The following PDE1A variants were observed in gnomAD, a reference collection of about 807,000 sequenced individuals.
The protein encoded by PDE1A is dual specificity calcium/calmodulin-dependent 3',5'-cyclic nucleotide phosphodiesterase 1A.
Under a neutral mutation model 61.7 loss-of-function variants are expected in PDE1A, and 35 were observed. The observed-to-expected ratio is 0.57, with a 90% CI of 0.43 to 0.75. The LOEUF is 0.75. Ranked by LOEUF, PDE1A falls within the 30% of genes least tolerant of loss-of-function variation. The pLI, the probability that PDE1A is intolerant of heterozygous loss-of-function variation, is 0.00. For synonymous variants in PDE1A, 232 were observed against 213.2 expected (o/e 1.09, Z -0.77); for missense variants, 597 against 630.6 (o/e 0.95, Z 0.57).
At chr2:182,630,731 A>G in the PDE1A span, among the ~76,000 whole-genome samples, 2 of 152,200 alleles carry the variant, frequency 1.3e-5, no homozygotes, top group African/African-American at 2.4e-5. Context: ...TTTTATTTAT[A>G]TCTCATGTTC....
At chr2:182,357,633 T>A (rs903359647) in intron 1 of PDE1A, among the ~76,000 whole-genome samples, 1 of 152,166 alleles carries the variant, frequency 6.6e-6, no homozygotes, top group African/African-American at 2.4e-5. Context: ...AATAAGAATA[T>A]CACTATTTCA....
chr2:182,693,081 C>T, the PDE1A span, among the ~76,000 whole-genome samples: 1 of 151,962 alleles, frequency 6.6e-6, no homozygotes, highest in African/African-American at 2.4e-5. Flanking sequence ...CAGAGAGAGA[C>T]CCTGTCTCCA....
At chr2:182,526,520 T>A (rs2115863), upstream of PDE1A, among the ~76,000 whole-genome samples, 51,099 of 152,084 alleles carry the variant, frequency 0.34, 9,838 homozygotes, top group East Asian at 0.59. Context: ...GCGTTAAGTG[T>A]GGCCAAGAGA....
At chr2:182,303,571 C>G (rs950141452) in intron 1 of PDE1A, among the ~76,000 whole-genome samples, 3 of 152,182 alleles carry the variant, frequency 2.0e-5, no homozygotes, top group Admixed American at 6.5e-5. Context: ...CTGGGATTTT[C>G]AGAAGGGTAA....
At chr2:182,297,606 A>G (rs1190805104) in intron 1 of PDE1A, among the ~76,000 whole-genome samples, 1 of 152,238 alleles carries the variant, frequency 6.6e-6, no homozygotes, top group East Asian at 1.9e-4. Flanking sequence ...AAGACGTTAG[A>G]TGTCACTTAT....
At chr2:182,268,214 C>T (rs373213645) in intron 1 of PDE1A, among the ~76,000 whole-genome samples, 4 of 151,818 alleles carry the variant, frequency 2.6e-5, no homozygotes, top group Non-Finnish European at 5.9e-5. Flanking sequence ...TGGATGAGGA[C>T]GGCTACTGTG....
chr2:182,685,208 T>G, the PDE1A span, among the ~76,000 whole-genome samples: 2 of 151,990 alleles, frequency 1.3e-5, no homozygotes, highest in African/African-American at 4.8e-5. Context: ...AACAGATGGC[T>G]TGCCTGCTTT....
chr2:182,700,577 C>T, the PDE1A span, among the ~76,000 whole-genome samples: 1 of 151,732 alleles, frequency 6.6e-6, no homozygotes, highest in Non-Finnish European at 1.5e-5. Context: ...CAAAAATTAG[C>T]CAGGTGTGGT....
At chr2:182,446,834 C>A (rs1485979844) in intron 2 of PDE1A, among the ~76,000 whole-genome samples, 1 of 151,822 alleles carries the variant, frequency 6.6e-6, no homozygotes, top group Non-Finnish European at 1.5e-5. Context: ...GGTATGTGAT[C>A]CCCAGAAAAT....
chr2:182,545,202 T>C, the PDE1A span, among the ~76,000 whole-genome samples: 2 of 152,192 alleles, frequency 1.3e-5, no homozygotes, highest in Non-Finnish European at 2.9e-5. Context: ...GTCTCTGCTG[T>C]GGCTGGCTTC....
chr2:182,573,313 G>A, the PDE1A span, among the ~76,000 whole-genome samples: 4 of 152,248 alleles, frequency 2.6e-5, no homozygotes, highest in East Asian at 7.7e-4. Context: ...GAATCTCACT[G>A]AGGCTTTGGG....
At chr2:182,239,427 TG>T (rs1690322507) in intron 3 of PDE1A, among the ~76,000 whole-genome samples, 1 of 152,172 alleles carries the variant, frequency 6.6e-6, no homozygotes, top group Admixed American at 6.5e-5. Context: ...GCGAGTCTTT[TG>T]TAGTTTTAGT....
chr2:182,516,742 A>AAGG (rs1690193662), intron 2 of PDE1A, among the ~76,000 whole-genome samples: 2 of 143,490 alleles, frequency 1.4e-5, no homozygotes, highest in African/African-American at 2.6e-5. Flanking sequence ...GGAAGGAAGG[A>AAGG]AAAAGAGAGA....
At position 182,328,641 on chromosome 2, in the gene PDE1A, G is replaced by A. The variant is rs1318986164; in HGVS notation, c.54-64227C>T. Among the ~76,000 whole-genome samples, 8 of 152,242 alleles carry A rather than the reference G, an allele frequency of 5.3e-5. No individual in the cohort carries two copies. The East Asian group carries it at 9.7e-4, about 18-fold the overall frequency. On this transcript the variant is annotated intron_variant, in intron 1 of 13. Transcript: ENST00000351439. ...ATGCTAGAACCTGAGATTGTGGAAG[G>A]GGTACGGTTATTAGGTCTAGAGGAT... is the stretch of plus-strand genomic sequence containing the variant.
chr2:182,440,287 G>T (rs112580861), intron 2 of PDE1A, among the ~76,000 whole-genome samples: 5 of 151,918 alleles, frequency 3.3e-5, no homozygotes, highest in African/African-American at 1.2e-4. Context: ...GCTCAAAATG[G>T]TACTCTGAGC....
intron 1 of PDE1A, among the ~76,000 whole-genome samples, chr2:182,412,668 G>A (rs1702687162): frequency 6.6e-6 from 1 of 152,164 alleles, no homozygotes; most frequent in Non-Finnish European, 1.5e-5. Flanking sequence ...AACTAGCTGT[G>A]AGGACTTAGT....
chr2:182,661,634 CATT>C, the PDE1A span, among the ~76,000 whole-genome samples: 1 of 152,060 alleles, frequency 6.6e-6, no homozygotes, highest in African/African-American at 2.4e-5. Flanking sequence ...TAAAAATTGA[CATT>C]ATTATCAGAC....
chr2:182,351,337 C>T (rs1041302268), intron 1 of PDE1A, among the ~76,000 whole-genome samples: 1 of 152,080 alleles, frequency 6.6e-6, no homozygotes, highest in Admixed American at 6.5e-5. Context: ...ACAATGGGTA[C>T]AAGTAAGGGG....
At chr2:182,433,542 A>G (rs1314330175) in intron 2 of PDE1A, among the ~76,000 whole-genome samples, 1 of 152,106 alleles carries the variant, frequency 6.6e-6, no homozygotes, top group South Asian at 2.1e-4. Context: ...TGGTGTGAAC[A>G]AAGTCTGGCT....
Sources: allele counts gnomAD v4.1 joint callset (sites outside exome capture counted in the v4.1 genomes callset), GRCh38; gene constraint gnomAD v4.1.1; transcripts MANE v1.5; gene names NCBI Gene and HGNC (gene_info 2026-07-23, HGNC 2026-07-21).